Variants in KPNA1 observed in about 807,000 individuals in gnomAD.
KPNA1 encodes the protein karyopherin subunit alpha 1.
In KPNA1, 10 loss-of-function variants were observed where a neutral mutation model predicts 70.5. The observed-to-expected ratio is 0.14, with a 90% confidence interval of 0.09 to 0.24. The LOEUF (loss-of-function observed/expected upper bound fraction) is 0.24, where lower values mean the gene tolerates loss of function less well. Among genes scored for constraint, KPNA1 ranks in the 10% least tolerant of loss-of-function variants. KPNA1 has a pLI of 1.00. For synonymous variants in KPNA1, 192 were observed against 221.9 expected (o/e 0.87, Z 1.20); for missense variants, 397 against 637.9 (o/e 0.62, Z 4.07).
chr3:122,469,353 A>G (rs755243639), intron 2 of KPNA1, among the ~76,000 whole-genome samples: 3 of 152,200 alleles, frequency 2.0e-5, no homozygotes, highest in African/African-American at 7.2e-5. Flanking sequence ...TAATCACCTC[A>G]GCACCTAGAT....
At position 122,425,516 on chromosome 3, in the gene KPNA1, A is replaced by G. The variant is rs527488732; in HGVS notation, c.*1469T>C. 4.6e-5 allele frequency: 7 copies of G among 152,770 alleles called. No homozygotes were observed. Among genetic ancestry groups the G allele is most frequent in the Non-Finnish European group, 7.3e-5 (5 of 68,040 alleles). The allele number at this position is 152,770 out of a possible 1,614,324, so 9.5% of individuals were successfully genotyped here. A position where few individuals can be genotyped will look rare whatever the true frequency, so the allele number is the denominator to read the frequency against. On this transcript the variant is annotated 3_prime_UTR_variant, in exon 14 of 14. Transcript: ENST00000344337. ...AAATCTTCTCTGGTAGTGTATCCCA[A>G]CATTGAGTCAAGATGGCCAACTAGC... is the stretch of plus-strand genomic sequence containing the variant.
chr3:122,428,317 T>C (rs762059810), intron 12 of KPNA1, among the ~76,000 whole-genome samples: 4 of 152,224 alleles, frequency 2.6e-5, no homozygotes, highest in Non-Finnish European at 2.9e-5. Context: ...TTTTTTATCA[T>C]TCTGGTTTCT....
At chr3:122,486,783 TCACC>T (rs2076634934) in intron 2 of KPNA1, among the ~76,000 whole-genome samples, 1 of 152,120 alleles carries the variant, frequency 6.6e-6, no homozygotes. Context: ...AGTCGGGGTT[TCACC>T]AATGTTAGCC....
At chr3:122,499,785 G>GT (rs1430406968) in intron 1 of KPNA1, among the ~76,000 whole-genome samples, 3 of 151,962 alleles carry the variant, frequency 2.0e-5, no homozygotes, top group African/African-American at 7.2e-5. Context: ...AAAGAGACGG[G>GT]TTTATATTTT....
At chr3:122,483,430 C>T (rs1309802755) in intron 2 of KPNA1, among the ~76,000 whole-genome samples, 1 of 152,096 alleles carries the variant, frequency 6.6e-6, no homozygotes, top group Non-Finnish European at 1.5e-5. Flanking sequence ...CTACAACCTC[C>T]ACCTCCCAGG....
Position 122,434,038 on chromosome 3 carries a change from G to T in KPNA1, c.1123-250C>A, listed in dbSNP as rs528900641. On this transcript the variant is annotated intron_variant, in intron 11 of 13. Coordinates refer to ENST00000344337, the MANE Select transcript of KPNA1 (RefSeq NM_002264.4). Reference sequence around the variant, plus strand: ...TGCAGCTTCCACCTCCTGGGTTCAAGTGATTCTCCTGCCTCAGCCTCCCGG... The same window carrying T: ...TGCAGCTTCCACCTCCTGGGTTCAATTGATTCTCCTGCCTCAGCCTCCCGG... Among the ~76,000 whole-genome samples, 8 of 152,206 alleles carry T rather than the reference G, an allele frequency of 5.3e-5. No homozygotes were observed. The South Asian group carries it at 1.7e-3, about 32-fold the overall frequency.
rs2075776486 is a variant in KPNA1 at position 122,422,730 on chromosome 3, T to C, written c.*4255A>G. 2 of 152,148 alleles carry C rather than the reference T, an allele frequency of 1.3e-5. No homozygotes were observed. Among genetic ancestry groups the C allele is most frequent in the Non-Finnish European group, 1.5e-5 (1 of 68,034 alleles). 9.4% of individuals were successfully genotyped at this position (152,148 alleles called of 1,614,324 possible). Reference sequence around the variant, plus strand: ...AGTCTTCACTTTGTCATCTATAATATAGTGACAATTATCAAAGAACATTTG... The same window carrying C: ...AGTCTTCACTTTGTCATCTATAATACAGTGACAATTATCAAAGAACATTTG... On this transcript the variant is annotated 3_prime_UTR_variant, in exon 14 of 14. Transcript: ENST00000344337.
chr3:122,486,708 C>T (rs2076633473), intron 2 of KPNA1, among the ~76,000 whole-genome samples: 1 of 152,152 alleles, frequency 6.6e-6, no homozygotes, highest in Admixed American at 6.5e-5. Flanking sequence ...CTGCCTCAGC[C>T]TCCCAAGTAG....
At chr3:122,468,324 T>C (rs1332737878) in intron 2 of KPNA1, among the ~76,000 whole-genome samples, 1 of 152,062 alleles carries the variant, frequency 6.6e-6, no homozygotes, top group Non-Finnish European at 1.5e-5. Context: ...GACCTAAAAT[T>C]CATAACGCAG....
intron 9 of KPNA1, 75 bp from the exon 10 acceptor site, chr3:122,442,191 A>T: frequency 8.7e-7 from 1 of 1,155,970 alleles, no homozygotes; most frequent in Non-Finnish European, 1.3e-6. Flanking sequence ...CCAAAATTAA[A>T]AAACAAAAAA....
chr3:122,495,058 T>C (rs1289963890), intron 2 of KPNA1, among the ~76,000 whole-genome samples: 2 of 152,080 alleles, frequency 1.3e-5, no homozygotes, highest in South Asian at 2.1e-4. Flanking sequence ...AAGACCATCC[T>C]GGCCAAGATG....
chr3:122,448,652 T>A (rs1408343038), intron 9 of KPNA1, among the ~76,000 whole-genome samples: 1 of 151,834 alleles, frequency 6.6e-6, no homozygotes, highest in Non-Finnish European at 1.5e-5. Context: ...AAATGACGAG[T>A]TAATTGGTGC....
chr3:122,463,650 A>T (rs1483448797), intron 4 of KPNA1, among the ~76,000 whole-genome samples: 2 of 152,210 alleles, frequency 1.3e-5, no homozygotes, highest in Non-Finnish European at 2.9e-5. Flanking sequence ...TATAAAAAAA[A>T]GTCAGTCTCT....
intron 12 of KPNA1, among the ~76,000 whole-genome samples, chr3:122,428,585 G>C (rs1435324068): frequency 6.6e-6 from 1 of 152,006 alleles, no homozygotes; most frequent in Non-Finnish European, 1.5e-5. Flanking sequence ...GATAATAAAG[G>C]AATACTACAA....
At chr3:122,476,686 G>C (rs2076501082) in intron 2 of KPNA1, among the ~76,000 whole-genome samples, 1 of 151,356 alleles carries the variant, frequency 6.6e-6, no homozygotes, top group Non-Finnish European at 1.5e-5. Flanking sequence ...TCATCACCAG[G>C]GAAATACAAA....
chr3:122,443,496 A>G (rs7642518), intron 9 of KPNA1, among the ~76,000 whole-genome samples: 57,156 of 151,982 alleles, frequency 0.38, 11,182 homozygotes, highest in East Asian at 0.54. Flanking sequence ...TGGACAGACT[A>G]CCTCCTCAAG....
rs1398622189 is a variant in KPNA1 at position 122,426,413 on chromosome 3, A to G, written c.*572T>C. ...CTTTAATATCTGAAGAATGGCGCCA[A>G]TAGAGGAAAGAAAACCATCCAATCT... On this transcript the variant is annotated 3_prime_UTR_variant, in exon 14 of 14. Coordinates refer to ENST00000344337, the MANE Select transcript of KPNA1 (RefSeq NM_002264.4). 6.6e-6 allele frequency: 1 copy of G among 152,654 alleles called. No individual in the cohort carries two copies. Among genetic ancestry groups the G allele is most frequent in the South Asian group, 2.1e-4 (1 of 4,830 alleles). The allele number at this position is 152,654 out of a possible 1,614,324, so 9.5% of individuals were successfully genotyped here.
chr3:122,514,482 A>G (rs1439325645), intron 1 of KPNA1: 3 of 144,658 alleles, frequency 2.1e-5, no homozygotes, highest in Non-Finnish European at 3.0e-5. Flanking sequence ...CCGCCGCGCC[A>G]CGCCGCCCCG....
In KPNA1 at chr3:122,472,328, T is replaced by G. The variant is rs148734836; in HGVS notation, c.130-4899A>C. Among the ~76,000 whole-genome samples, 416 of 152,036 alleles carry G rather than the reference T, an allele frequency of 2.7e-3. 1 individual carries two copies. Among genetic ancestry groups the G allele is most frequent in the Non-Finnish European group, 4.7e-3 (317 of 67,978 alleles). ...AGTACTTGGAGATTAAACAACACAC[T>G]TCTAATAACACATAGGTCAAAAAAG... On this transcript the variant is annotated intron_variant, in intron 2 of 13. Coordinates refer to ENST00000344337, the MANE Select transcript of KPNA1 (RefSeq NM_002264.4).
Sources: gnomAD v4.1 joint callset for allele counts (sites outside exome capture counted in the v4.1 genomes callset) on GRCh38, gnomAD v4.1.1 for gene constraint, MANE v1.5 for transcripts, NCBI Gene and HGNC (gene_info 2026-07-23, HGNC 2026-07-21) for gene names.